Variants in FAH observed in about 807,000 individuals in gnomAD.
FAH encodes fumarylacetoacetase.
In FAH, 47 loss-of-function variants were observed where a neutral mutation model predicts 55.8. The observed-to-expected ratio is 0.84, with a 90% CI of 0.67 to 1.07. The LOEUF is 1.07. FAH is among the 50% of genes least tolerant of loss of function. The pLI, the probability that FAH is intolerant of heterozygous loss-of-function variation, is 0.00. For missense variants in FAH, 495 were observed against 545.9 expected (o/e 0.91, Z 0.93); for synonymous variants, 199 against 207.7 (o/e 0.96, Z 0.36).
chr15:80,168,595 G>T (rs2041215891), intron 7 of FAH, among the ~76,000 whole-genome samples: 1 of 152,256 alleles, frequency 6.6e-6, no homozygotes. Flanking sequence ...GCGCAGGGCA[G>T]TGAAACATTT....
At chr15:80,155,420 T>A (rs576152637) in intron 1 of FAH, among the ~76,000 whole-genome samples, 12 of 152,224 alleles carry the variant, frequency 7.9e-5, no homozygotes, top group African/African-American at 2.9e-4. Flanking sequence ...ATTCTACAGA[T>A]GAGGAAACTG....
At chr15:80,184,106 C>A (rs754548812) in intron 13 of FAH, among the ~76,000 whole-genome samples, 10 of 152,174 alleles carry the variant, frequency 6.6e-5, no homozygotes, top group Non-Finnish European at 1.2e-4. Flanking sequence ...GCTCACAAAC[C>A]CCATCTGGTG....
intron 4 of FAH, among the ~76,000 whole-genome samples, chr15:80,161,243 G>T (rs2041146080): frequency 6.6e-6 from 1 of 151,354 alleles, no homozygotes; most frequent in African/African-American, 2.4e-5. Flanking sequence ...GGGATATCAT[G>T]TCTGGTTGAC....
At chr15:80,184,915 C>T (rs539722985) in intron 13 of FAH, among the ~76,000 whole-genome samples, 1 of 152,290 alleles carries the variant, frequency 6.6e-6, no homozygotes, top group South Asian at 2.1e-4. Context: ...CTCCCTTTCC[C>T]TCCATGCTGC....
At chr15:80,185,143 T>G (rs2041359890) in intron 13 of FAH, among the ~76,000 whole-genome samples, 1 of 152,228 alleles carries the variant, frequency 6.6e-6, no homozygotes, top group Admixed American at 6.5e-5. Flanking sequence ...CCTTGAGAGA[T>G]AAGCGTTGTT....
chr15:80,173,697 A>G, intron 9 of FAH: 1 of 220,878 alleles, frequency 4.5e-6, no homozygotes, highest in African/African-American at 2.3e-5. Context: ...GTCACCTGTG[A>G]CCCGATAGTC....
chr15:80,170,457 AG>A (rs2041230962), intron 7 of FAH, among the ~76,000 whole-genome samples: 1 of 152,136 alleles, frequency 6.6e-6, no homozygotes. Context: ...AGTCCAGAGG[AG>A]GGAAATGAGT....
intron 1 of FAH, chr15:80,156,030 G>T (rs112028224): frequency 0.017 from 6,839 of 409,344 alleles, 413 homozygotes; most frequent in African/African-American, 0.13. Flanking sequence ...ATGACTGCGG[G>T]CAGGCCTGGA....
In FAH at chr15:80,158,119, G is replaced by A. The variant is rs1202678414; in HGVS notation, c.141G>A (p.Lys47=). ...GDQILDLSII[K]HLFTGPVLSK... Reference sequence around the variant, plus strand: ...AGATCCTGGACCTCAGCATCATCAAGCACCTCTTTACTGGTCCTGTCCTCT... The same window carrying A: ...AGATCCTGGACCTCAGCATCATCAAACACCTCTTTACTGGTCCTGTCCTCT... The change falls in exon 2 of 14, where the codon AAG becomes AAA. Residue 47 remains lysine (K), a synonymous_variant. Coordinates refer to ENST00000561421, the MANE Select transcript of FAH (RefSeq NM_000137.4). 4 of 1,614,050 alleles carry A rather than the reference G, an allele frequency of 2.5e-6. No homozygotes were observed. The highest frequency in any genetic ancestry group is 1.3e-5 in the African/African-American group (1 of 74,920).
Position 80,186,321 on chromosome 15 carries a change from C to A in FAH, c.*112C>A. The A allele has an allele frequency of 2.3e-6, 2 of 856,734 alleles. No homozygotes were observed. Among genetic ancestry groups the A allele is most frequent in the South Asian group, 1.4e-5 (1 of 72,566 alleles). The allele number at this position is 856,734 out of a possible 1,614,324, so 53.1% of individuals were successfully genotyped here. A position where few individuals can be genotyped will look rare whatever the true frequency, so the allele number is the denominator to read the frequency against. ...TCCGCCATTCAGTGACAAATAAAGC[C>A]ATTGTGCTCTGAGGCCTGCACTGCC... On this transcript the variant is annotated 3_prime_UTR_variant, in exon 14 of 14. Coordinates refer to ENST00000561421, the MANE Select transcript of FAH (RefSeq NM_000137.4).
At chr15:80,185,679 G>A (rs1167599756) in intron 13 of FAH, among the ~76,000 whole-genome samples, 1 of 152,196 alleles carries the variant, frequency 6.6e-6, no homozygotes, top group Non-Finnish European at 1.5e-5. Context: ...AGAGCCAAGT[G>A]AAAGGAGAAA....
intron 6 of FAH, 56 bp downstream of exon 6, chr15:80,168,205 G>C (rs1275719014): frequency 6.8e-6 from 11 of 1,610,092 alleles, no homozygotes; most frequent in African/African-American, 1.3e-5. Flanking sequence ...TTCCCACACA[G>C]AGAGTTCTGT....
chr15:80,172,192 C>T lies in FAH; in HGVS notation c.650C>T (p.Pro217Leu). 6.2e-7 allele frequency: 1 copy of T among 1,614,022 alleles called. No homozygotes were observed. The highest frequency in any genetic ancestry group is 2.2e-5 in the East Asian group (1 of 44,896). ...GPGNRLGEPI[P>L]ISKAHEHIFG... is the part of the protein sequence containing the mutation. ...GGAAACAGATTGGGAGAGCCGATCCCCATTTCCAAGGCCCATGAGCACATT... is the reference window on the plus strand; with the variant it reads ...GGAAACAGATTGGGAGAGCCGATCCTCATTTCCAAGGCCCATGAGCACATT... Residue 217 changes from proline (P) to leucine (L), a missense_variant, in exon 8 of 14, where the codon CCC (proline) becomes CTC (leucine). Coordinates refer to ENST00000561421, the MANE Select transcript of FAH (RefSeq NM_000137.4).
chr15:80,179,062 G>A (rs1478867244), intron 11 of FAH, among the ~76,000 whole-genome samples: 4 of 152,152 alleles, frequency 2.6e-5, no homozygotes, highest in Non-Finnish European at 4.4e-5. Flanking sequence ...GGGTCATAGA[G>A]TACACATAGA....
intron 5 of FAH, among the ~76,000 whole-genome samples, chr15:80,164,923 C>A (rs980178340): frequency 1.3e-5 from 2 of 152,170 alleles, no homozygotes; most frequent in Non-Finnish European, 2.9e-5. Context: ...CATTTTATTT[C>A]TTTAGTTAAC....
intron 13 of FAH, among the ~76,000 whole-genome samples, chr15:80,185,769 A>G (rs1052948127): frequency 1.3e-5 from 2 of 152,172 alleles, no homozygotes; most frequent in African/African-American, 2.4e-5. Flanking sequence ...CCATGATTCA[A>G]TTATCTCCCA....
At chr15:80,158,029 T>G (rs1322966061) in intron 1 of FAH, 31 bp from the exon 2 acceptor site, 2 of 1,550,284 alleles carry the variant, frequency 1.3e-6, no homozygotes, top group African/African-American at 2.7e-5. Context: ...AGGGGCTTTT[T>G]CTGGTGCTGA....
chr15:80,164,225 AC>A (rs1398115587), intron 5 of FAH, among the ~76,000 whole-genome samples: 1 of 151,956 alleles, frequency 6.6e-6, no homozygotes, highest in Non-Finnish European at 1.5e-5. Context: ...CTAGGAGAGA[AC>A]CCATTTCTTT....
chr15:80,157,616 C>T (rs1167929820), intron 1 of FAH: 2 of 274,274 alleles, frequency 7.3e-6, no homozygotes, highest in Non-Finnish European at 1.4e-5. Context: ...GCCCTCAGCA[C>T]TGTGTGTTGG....
Sources: gnomAD v4.1 joint callset for allele counts (sites outside exome capture counted in the v4.1 genomes callset) on GRCh38, gnomAD v4.1.1 for gene constraint, MANE v1.5 for transcripts, NCBI Gene and HGNC (gene_info 2026-07-23, HGNC 2026-07-21) for gene names.